The following MECOM variants were observed in gnomAD, a reference collection of about 807,000 sequenced individuals.
MECOM encodes the protein MDS1 and EVI1 complex locus.
Under a neutral mutation model 116.3 loss-of-function variants are expected in MECOM, and 13 were observed. That is an observed-to-expected ratio of 0.11 (90% confidence interval 0.07 to 0.18). The LOEUF (loss-of-function observed/expected upper bound fraction) is 0.18. MECOM is among the 10% of genes least tolerant of loss of function. The probability of loss-of-function intolerance (pLI) is 1.00; values close to 1 mark genes in which losing one functional copy is unlikely to be tolerated. For synonymous variants in MECOM, 528 were observed against 535.2 expected (o/e 0.99, Z 0.19); for missense variants, 1,299 against 1,509.0 (o/e 0.86, Z 2.31).
At chr3:169,475,274 T>C (rs1472100180) in intron 1 of MECOM, among the ~76,000 whole-genome samples, 1 of 152,234 alleles carries the variant, frequency 6.6e-6, no homozygotes, top group East Asian at 1.9e-4. Context: ...GTATCTTTCA[T>C]GATTATCCTA....
chr3:169,237,037 C>T (rs1026669710), intron 2 of MECOM, among the ~76,000 whole-genome samples: 8 of 152,076 alleles, frequency 5.3e-5, no homozygotes, highest in African/African-American at 1.2e-4. Context: ...TACATGTAAT[C>T]GAGAAACAAA....
intron 1 of MECOM, among the ~76,000 whole-genome samples, chr3:169,534,915 T>C (rs1759158799): frequency 6.6e-6 from 1 of 152,198 alleles, no homozygotes; most frequent in Non-Finnish European, 1.5e-5. Context: ...GTTTCAGCTG[T>C]GAGAGGAAGT....
At chr3:169,459,373 T>C (rs1747047959) in intron 1 of MECOM, among the ~76,000 whole-genome samples, 1 of 152,232 alleles carries the variant, frequency 6.6e-6, no homozygotes, top group Non-Finnish European at 1.5e-5. Context: ...AACATCTGGG[T>C]TGTTTCAAGT....
chr3:169,460,493 A>T (rs1401720928), intron 1 of MECOM, among the ~76,000 whole-genome samples: 1 of 152,250 alleles, frequency 6.6e-6, no homozygotes, highest in East Asian at 1.9e-4. Flanking sequence ...AGAATCAGAA[A>T]GATTAGATGG....
chr3:169,484,035 A>G, intron 1 of MECOM: 1 of 1,391,928 alleles, frequency 7.2e-7, no homozygotes, highest in East Asian at 2.3e-5. Flanking sequence ...CCATTGTTTT[A>G]TATAACTAAT....
At chr3:169,096,954 T>C (rs1000892140) in intron 12 of MECOM, among the ~76,000 whole-genome samples, 1 of 85,798 alleles carries the variant, frequency 1.2e-5, no homozygotes, top group Non-Finnish European at 2.3e-5. Flanking sequence ...AGTTGTAATA[T>C]TTTAGCCCCA....
chr3:169,198,907 G>A (rs1018136712), intron 2 of MECOM, among the ~76,000 whole-genome samples: 2 of 151,322 alleles, frequency 1.3e-5, no homozygotes, highest in African/African-American at 2.4e-5. Flanking sequence ...AATCCTTCCT[G>A]TGGAAAAAAA....
intron 1 of MECOM, among the ~76,000 whole-genome samples, chr3:169,436,303 T>C (rs1213433589): frequency 1.5e-5 from 2 of 135,002 alleles, no homozygotes; most frequent in African/African-American, 5.4e-5. Context: ...CAGGCTGGAA[T>C]ACAATGGCGC....
chr3:169,426,409 A>G (rs1740698489), intron 1 of MECOM, among the ~76,000 whole-genome samples: 1 of 152,174 alleles, frequency 6.6e-6, no homozygotes, highest in East Asian at 1.9e-4. Flanking sequence ...AAGACGGTGG[A>G]CACTCAGGCA....
intron 2 of MECOM, among the ~76,000 whole-genome samples, chr3:169,307,929 T>C (rs913113443): frequency 2.6e-5 from 4 of 152,210 alleles, no homozygotes; most frequent in Admixed American, 6.5e-5. Context: ...CTACTCATGG[T>C]GTTCTACTCC....
chr3:169,570,975 G>A (rs1283701801), intron 1 of MECOM, among the ~76,000 whole-genome samples: 1 of 152,132 alleles, frequency 6.6e-6, no homozygotes, highest in Non-Finnish European at 1.5e-5. Context: ...CATAGTATTG[G>A]AAGTTCTGGC....
intron 2 of MECOM, among the ~76,000 whole-genome samples, chr3:169,237,825 C>T (rs1754283551): frequency 6.6e-6 from 1 of 151,902 alleles, no homozygotes; most frequent in South Asian, 2.1e-4. Flanking sequence ...AAAATTTATC[C>T]TGGATTTTTC....
intron 1 of MECOM, among the ~76,000 whole-genome samples, chr3:169,629,470 C>T (rs1771811290): frequency 6.6e-6 from 1 of 151,942 alleles, no homozygotes; most frequent in Non-Finnish European, 1.5e-5. Flanking sequence ...CCCCATGTGC[C>T]CACCCCCATC....
At chr3:169,422,024 A>G (rs1560253730) in intron 1 of MECOM, among the ~76,000 whole-genome samples, 1 of 152,140 alleles carries the variant, frequency 6.6e-6, no homozygotes, top group South Asian at 2.1e-4. Flanking sequence ...ATAATCATCT[A>G]TATTTCATAA....
intron 1 of MECOM, among the ~76,000 whole-genome samples, chr3:169,656,153 T>C (rs1230535622): frequency 6.6e-6 from 1 of 152,240 alleles, no homozygotes; most frequent in Admixed American, 6.5e-5. Context: ...AAAACTGCCA[T>C]GTACAAGCAC....
intron 1 of MECOM, among the ~76,000 whole-genome samples, chr3:169,447,234 A>C (rs1206589061): frequency 6.6e-6 from 1 of 152,134 alleles, no homozygotes; most frequent in Non-Finnish European, 1.5e-5. Flanking sequence ...GCCCTCTGCC[A>C]CCCATGCCCT....
intron 1 of MECOM, among the ~76,000 whole-genome samples, chr3:169,457,530 T>C (rs2108713948): frequency 6.6e-6 from 1 of 152,290 alleles, no homozygotes; most frequent in East Asian, 1.9e-4. Context: ...TCAGGCCAAC[T>C]TTTATGTGTG....
At chr3:169,229,350 A>G (rs1244483542) in intron 2 of MECOM, among the ~76,000 whole-genome samples, 1 of 152,202 alleles carries the variant, frequency 6.6e-6, no homozygotes, top group Non-Finnish European at 1.5e-5. Flanking sequence ...GAGCATCTCA[A>G]CTAAAATTTC....
intron 10 of MECOM, among the ~76,000 whole-genome samples, chr3:169,104,909 C>A (rs1724848219): frequency 6.6e-6 from 1 of 152,070 alleles, no homozygotes; most frequent in Non-Finnish European, 1.5e-5. Context: ...ATATTATGGG[C>A]TTGATGGCTA....
Sources: gnomAD v4.1 joint callset for allele counts (sites outside exome capture counted in the v4.1 genomes callset) on GRCh38, gnomAD v4.1.1 for gene constraint, MANE v1.5 for transcripts, NCBI Gene and HGNC (gene_info 2026-07-23, HGNC 2026-07-21) for gene names.